The following ASB3 variants were observed in gnomAD, a reference collection of about 807,000 sequenced individuals.
The protein encoded by ASB3 is ankyrin repeat and SOCS box containing 3.
A neutral mutation model predicts 54.5 loss-of-function variants in ASB3; 41 were observed. The observed-to-expected ratio is 0.75, with a 90% confidence interval of 0.59 to 0.98. ASB3 has a LOEUF of 0.98. Ranked by LOEUF, ASB3 falls within the 50% of genes least tolerant of loss-of-function variation. The pLI is 0.00. For synonymous variants in ASB3, 266 were observed against 221.2 expected (o/e 1.20, Z -1.80); for missense variants, 733 against 620.0 (o/e 1.18, Z -1.94).
chr2:53,672,021 C>T (rs1209321040), intron 9 of ASB3, among the ~76,000 whole-genome samples: 1 of 152,130 alleles, frequency 6.6e-6, no homozygotes, highest in Non-Finnish European at 1.5e-5. Flanking sequence ...AACTCTAATA[C>T]CCATAGGGCT....
At chr2:53,683,972 T>C (rs1668509081) in intron 9 of ASB3, among the ~76,000 whole-genome samples, 1 of 152,212 alleles carries the variant, frequency 6.6e-6, no homozygotes, top group South Asian at 2.1e-4. Context: ...TGATCTTTAT[T>C]ATTTCTTTTC....
rs537646167 is a variant in ASB3 at position 53,727,830 on chromosome 2, A to G, written c.604+882T>C. Among the ~76,000 whole-genome samples the G allele has an allele frequency of 2.6e-5, 4 of 152,178 alleles. No homozygotes were observed. In the East Asian group the frequency reaches 7.7e-4, roughly 29 times the overall value. On this transcript the variant is annotated intron_variant, in intron 5 of 9. Transcript: ENST00000263634. ...AACCTCTGCCTCCCAGGTTCAAGCA[A>G]TTCTCATGTCTCAGCTTCCCTAGTA... is the stretch of plus-strand genomic sequence containing the variant.
At chr2:53,770,314 G>A (rs1471643234) in intron 1 of ASB3, among the ~76,000 whole-genome samples, 3 of 152,036 alleles carry the variant, frequency 2.0e-5, no homozygotes, top group African/African-American at 7.3e-5. Context: ...TATACGAACA[G>A]ATGAAGACTA....
intron 3 of ASB3, among the ~76,000 whole-genome samples, chr2:53,735,620 A>G (rs1490729292): frequency 1.3e-5 from 2 of 151,790 alleles, no homozygotes; most frequent in East Asian, 3.9e-4. Flanking sequence ...TGCTACAGGT[A>G]TTGTCTTAAT....
At chr2:53,735,763 A>T (rs1249792858) in intron 3 of ASB3, among the ~76,000 whole-genome samples, 3 of 152,162 alleles carry the variant, frequency 2.0e-5, no homozygotes, top group Non-Finnish European at 4.4e-5. Context: ...AAGCTGGAAT[A>T]ATTAAGGTAG....
At chr2:53,692,131 C>G (rs1462275633) in intron 9 of ASB3, among the ~76,000 whole-genome samples, 2 of 152,174 alleles carry the variant, frequency 1.3e-5, no homozygotes, top group Non-Finnish European at 2.9e-5. Flanking sequence ...AAAAAAATGT[C>G]TGCAGACATT....
intron 1 of ASB3, among the ~76,000 whole-genome samples, chr2:53,769,864 G>C (rs1673773050): frequency 6.6e-6 from 1 of 152,058 alleles, no homozygotes; most frequent in Non-Finnish European, 1.5e-5. Flanking sequence ...GCTAAAAAAA[G>C]GTGTCTTTCT....
intron 9 of ASB3, among the ~76,000 whole-genome samples, chr2:53,689,589 T>A (rs1009781279): frequency 2.0e-5 from 3 of 152,188 alleles, no homozygotes; most frequent in Admixed American, 6.5e-5. Context: ...AAATAAATTA[T>A]CATATGTAGT....
chr2:53,777,462 C>T (rs1200079760), intron 1 of ASB3, among the ~76,000 whole-genome samples: 2 of 152,202 alleles, frequency 1.3e-5, no homozygotes, highest in East Asian at 1.9e-4. Flanking sequence ...TTATCAAATA[C>T]ACAAACTCAT....
rs185252266 is a variant in ASB3, at chr2:53,683,257, C to T, written c.1369+10627G>A. Reference sequence around the variant, plus strand: ...TTTGTCCTTCACTTTGTTGATATAACGTACCACACTGATTGATCTGCATAT... The same window carrying T: ...TTTGTCCTTCACTTTGTTGATATAATGTACCACACTGATTGATCTGCATAT... On this transcript the variant is annotated intron_variant, in intron 9 of 9. Coordinates refer to ENST00000263634, the MANE Select transcript of ASB3 (RefSeq NM_016115.5). Among the ~76,000 whole-genome samples, 29 of 152,272 alleles carry T rather than the reference C, an allele frequency of 1.9e-4. No homozygotes were observed. The East Asian group carries it at 5.0e-3, about 26-fold the overall frequency.
rs747825951 is a variant in ASB3 at position 53,765,478 on chromosome 2, T to A, written c.95A>T (p.Lys32Met). 134 of 1,614,118 alleles carry A rather than the reference T, an allele frequency of 8.3e-5. No individual in the cohort carries two copies. Among genetic ancestry groups the A allele is most frequent in the Non-Finnish European group, 1.1e-4 (128 of 1,180,042 alleles). Residue 32 changes from lysine to methionine, a missense_variant, in exon 2 of 10, where the codon AAG becomes ATG. Physicochemically the swap from Lys to Met is moderately conservative, Grantham distance 95. Coordinates refer to ENST00000263634, the MANE Select transcript of ASB3 (RefSeq NM_016115.5). Reference protein sequence around the residue: ...NVKVLRKLLKKGRSVDVADNR... With the variant: ...NVKVLRKLLKMGRSVDVADNR... ...ATCAGCAACATCGACACTTCGGCCC[T>A]TTTTGAGCAGTTTCCTTAAGACTTT...
chr2:53,755,267 GT>G (rs1371873813), intron 2 of ASB3, among the ~76,000 whole-genome samples: 1 of 152,108 alleles, frequency 6.6e-6, no homozygotes, highest in Non-Finnish European at 1.5e-5. Flanking sequence ...AATGACAAGA[GT>G]TGGCCCAAAC....
chr2:53,678,364 T>C (rs1265218726), intron 9 of ASB3, among the ~76,000 whole-genome samples: 1 of 152,206 alleles, frequency 6.6e-6, no homozygotes, highest in East Asian at 1.9e-4. Context: ...TCACATAACA[T>C]GCCTGGTAAA....
intron 1 of ASB3, among the ~76,000 whole-genome samples, chr2:53,769,110 T>C (rs949056058): frequency 6.6e-6 from 1 of 152,218 alleles, no homozygotes; most frequent in Non-Finnish European, 1.5e-5. Context: ...TTAGGATAAA[T>C]GCACATTTAC....
chr2:53,775,857 C>T (rs916428850), intron 1 of ASB3, among the ~76,000 whole-genome samples: 1 of 152,098 alleles, frequency 6.6e-6, no homozygotes, highest in African/African-American at 2.4e-5. Flanking sequence ...TAAGAAGTGG[C>T]ATTACCTGAT....
chr2:53,673,452 A>C (rs1423731440), intron 9 of ASB3, among the ~76,000 whole-genome samples: 4 of 152,236 alleles, frequency 2.6e-5, no homozygotes, highest in African/African-American at 4.8e-5. Flanking sequence ...AGTGCTGACC[A>C]GCTTTTCTAG....
chr2:53,690,767 A>G (rs1668870817), intron 9 of ASB3, among the ~76,000 whole-genome samples: 1 of 150,606 alleles, frequency 6.6e-6, no homozygotes, highest in Non-Finnish European at 1.5e-5. Context: ...GATAATATAT[A>G]TGTATTATAT....
At chr2:53,716,212 T>A (rs1019622304) in intron 6 of ASB3, among the ~76,000 whole-genome samples, 4 of 151,760 alleles carry the variant, frequency 2.6e-5, no homozygotes, top group Non-Finnish European at 5.9e-5. Context: ...GTCAGAGAGG[T>A]AACATGGATG....
intron 9 of ASB3, among the ~76,000 whole-genome samples, chr2:53,678,576 A>T (rs1249502180): frequency 6.6e-6 from 1 of 152,228 alleles, no homozygotes; most frequent in African/African-American, 2.4e-5. Context: ...TCACTATAGC[A>T]CACCACAAAT....
Sources: gnomAD v4.1 joint callset for allele counts (sites outside exome capture counted in the v4.1 genomes callset) on GRCh38, gnomAD v4.1.1 for gene constraint, MANE v1.5 for transcripts, NCBI Gene and HGNC (gene_info 2026-07-23, HGNC 2026-07-21) for gene names.